The following AKAP3 variants were observed in gnomAD, a reference collection of about 807,000 sequenced individuals.
The protein encoded by AKAP3 is A-kinase anchoring protein 3, also known as A-kinase anchor protein 3.
A neutral mutation model predicts 57.2 loss-of-function variants in AKAP3; 27 were observed. That is an observed-to-expected ratio of 0.47 (90% CI 0.35 to 0.65). The LOEUF is 0.65. Among genes scored for constraint, AKAP3 ranks in the 30% least tolerant of loss-of-function variants. The pLI is 0.01. For synonymous variants in AKAP3, 334 were observed against 392.3 expected (o/e 0.85, Z 1.76); for missense variants, 959 against 1,040.0 (o/e 0.92, Z 1.07).
Position 4,638,284 on chromosome 12 carries a change from C to T in AKAP3, c.1-88G>A, listed in dbSNP as rs11063276. On this transcript the variant is annotated intron_variant, in intron 3 of 5. Transcript: ENST00000228850. ...AGAAATGTGGTAAAGGGCTAAAGCA[C>T]GGGAAAGATGAACAATGCCTTCAAT... 7,583 of 927,362 alleles carry T rather than the reference C, an allele frequency of 8.2e-3. 234 individuals carry two copies. The African/African-American group carries it at 0.085, about 10-fold the overall frequency. The allele number at this position is 927,362 out of a possible 1,614,324, so 57.4% of individuals were successfully genotyped here.
chr12:4,628,722 C>T lies in AKAP3; in HGVS notation c.180G>A (p.Arg60=), dbSNP rs775687819. 2.5e-6 allele frequency: 4 copies of T among 1,614,180 alleles called. No homozygotes were observed. Among genetic ancestry groups the T allele is most frequent in the Non-Finnish European group, 3.4e-6 (4 of 1,180,020 alleles). Reference sequence around the variant, plus strand: ...CACCAAATGATTCTCCGGGTTTGAACCGAACATCTTGGAACTCTGCTGTAC... The same window carrying T: ...CACCAAATGATTCTCCGGGTTTGAATCGAACATCTTGGAACTCTGCTGTAC... ...EKSTAEFQDV[R]FKPGESFGGE... is the part of the protein sequence containing the mutation. Residue 60 remains arginine, a synonymous_variant, in exon 5 of 6, where the codon CGG becomes CGA. Transcript: ENST00000228850.
At chr12:4,640,648 C>T (rs554342125) in intron 3 of AKAP3, among the ~76,000 whole-genome samples, 2 of 152,288 alleles carry the variant, frequency 1.3e-5, no homozygotes, top group East Asian at 1.9e-4. Flanking sequence ...TTATTCTTTG[C>T]TCCTACAAGG....
rs1194934555 is a variant in AKAP3, at chr12:4,641,910, A to G, written c.-12T>C. 6.6e-6 allele frequency: 1 copy of G among 152,210 alleles called. No homozygotes were observed. Among genetic ancestry groups the G allele is most frequent in the Non-Finnish European group, 1.5e-5 (1 of 68,036 alleles). 9.4% of individuals were successfully genotyped at this position (152,210 alleles called of 1,614,324 possible). ...ATGTGATCACTTACTCTTACAGAGG[A>G]TAGGTTCTGAGATATGAGGAAAGCT... On this transcript the variant is annotated 5_prime_UTR_variant, in exon 3 of 6. Transcript: ENST00000228850.
chr12:4,633,356 G>T (rs1039652210), intron 4 of AKAP3, among the ~76,000 whole-genome samples: 1 of 152,158 alleles, frequency 6.6e-6, no homozygotes, highest in Non-Finnish European at 1.5e-5. Context: ...GGAGTCCACA[G>T]AATTGTGTTA....
intron 5 of AKAP3, among the ~76,000 whole-genome samples, chr12:4,618,842 C>A (rs1945315039): frequency 6.6e-6 from 1 of 152,194 alleles, no homozygotes; most frequent in Non-Finnish European, 1.5e-5. Flanking sequence ...AGTTAGACTT[C>A]ATTTTGCTCT....
intron 3 of AKAP3, among the ~76,000 whole-genome samples, chr12:4,641,260 CATGGCCA>C (rs1314024457): frequency 1.3e-5 from 2 of 152,010 alleles, no homozygotes; most frequent in Non-Finnish European, 2.9e-5. Flanking sequence ...GAAGTTTTCC[CATGGCCA>C]ATGGCCAATA....
At chr12:4,630,411 T>C (rs1565554842) in intron 4 of AKAP3, among the ~76,000 whole-genome samples, 1 of 152,222 alleles carries the variant, frequency 6.6e-6, no homozygotes, top group African/African-American at 2.4e-5. Flanking sequence ...ATTCTGATTC[T>C]AAAATCTGGG....
rs769881921 is a variant in AKAP3, at chr12:4,628,323, G to A, written c.579C>T (p.Asp193=). 3.1e-6 allele frequency: 5 copies of A among 1,614,070 alleles called. No homozygotes were observed. The African/African-American group carries it at 6.7e-5, about 22-fold the overall frequency. ...VSACSRNAAP[D]KAPGSGDRVS... ...CTCTGTCTCCAGAGCCAGGAGCCTT[G>A]TCTGGGGCAGCATTCCTGGAACATG... Residue 193 remains aspartate (D), a synonymous_variant, in exon 5 of 6, where the codon GAC becomes GAT. Coordinates refer to ENST00000228850, the MANE Select transcript of AKAP3 (RefSeq NM_001278309.2).
intron 5 of AKAP3, among the ~76,000 whole-genome samples, chr12:4,622,328 C>T (rs1945356808): frequency 6.6e-6 from 1 of 152,054 alleles, no homozygotes; most frequent in Admixed American, 6.6e-5. Context: ...AGCCAAGGCA[C>T]TCCTAGGTGA....
chr12:4,624,820 G>GTGTGTGTGTGTGTGTGTA (rs976212243), intron 5 of AKAP3, among the ~76,000 whole-genome samples: 9 of 148,062 alleles, frequency 6.1e-5, no homozygotes, highest in South Asian at 2.2e-4. Flanking sequence ...GTGTGTGTGT[G>GTGTGTGTGTGTGTGTGTA]TGTGTATATA....
rs757562110 is a variant in AKAP3, at chr12:4,627,597, A to G, written c.1305T>C (p.Tyr435=). The G allele has an allele frequency of 1.2e-6, 2 of 1,614,104 alleles. No homozygotes were observed. Among genetic ancestry groups the G allele is most frequent in the South Asian group, 1.1e-5 (1 of 91,090 alleles). ...TCTCCTCCTCTGATTTGGGTTCAGA[A>G]TACATTTTTTCTCTCAATTTAGTTT... ...KSETKLREKM[Y]SEPKSEEETC... is the part of the protein sequence containing the mutation. The change falls in exon 5 of 6, where the codon TAT becomes TAC. Residue 435 remains tyrosine, a synonymous_variant. Coordinates refer to ENST00000228850, the MANE Select transcript of AKAP3 (RefSeq NM_001278309.2).
chr12:4,617,532 C>T (rs552820018), intron 5 of AKAP3, among the ~76,000 whole-genome samples: 12 of 152,188 alleles, frequency 7.9e-5, no homozygotes, highest in Non-Finnish European at 1.8e-4. Flanking sequence ...GCAGGAAGAT[C>T]ACCTGAAGTC....
chr12:4,643,892 G>A (rs779689059), intron 2 of AKAP3, among the ~76,000 whole-genome samples: 6 of 152,188 alleles, frequency 3.9e-5, no homozygotes, highest in Non-Finnish European at 8.8e-5. Context: ...TTGCAGAAGC[G>A]AAAGCATAAG....
intron 4 of AKAP3, among the ~76,000 whole-genome samples, chr12:4,633,906 A>C (rs887307): frequency 0.44 from 66,260 of 151,564 alleles, 16,338 homozygotes; most frequent in Admixed American, 0.56. Context: ...TTTGACAAAT[A>C]ATCATGAACT....
At chr12:4,631,205 TTATG>T (rs1241295654) in intron 4 of AKAP3, 2 of 549,430 alleles carry the variant, frequency 3.6e-6, no homozygotes, top group East Asian at 6.5e-5. Context: ...AAATTTGATT[TTATG>T]TCTGACCATT....
At chr12:4,644,202 T>G (rs147673684) in intron 2 of AKAP3, among the ~76,000 whole-genome samples, 271 of 152,298 alleles carry the variant, frequency 1.8e-3, no homozygotes, top group Admixed American at 3.0e-3. Context: ...AGTAAGAGCT[T>G]CTTCTTCTAG....
chr12:4,643,450 G>GA (rs539667658), intron 2 of AKAP3, among the ~76,000 whole-genome samples: 129 of 146,144 alleles, frequency 8.8e-4, no homozygotes, highest in African/African-American at 2.7e-3. Context: ...AGTTAGGGTA[G>GA]AAAAAAAAAA....
intron 4 of AKAP3, among the ~76,000 whole-genome samples, 168 bp from the exon 5 acceptor site, chr12:4,628,973 C>T (rs747639270): frequency 1.3e-5 from 2 of 152,162 alleles, no homozygotes; most frequent in Non-Finnish European, 2.9e-5. Flanking sequence ...GACATTGTTC[C>T]AAGTATTTAA....
intron 5 of AKAP3, among the ~76,000 whole-genome samples, chr12:4,624,161 G>A (rs1262389258): frequency 6.6e-6 from 1 of 152,006 alleles, no homozygotes; most frequent in African/African-American, 2.4e-5. Context: ...CATACATAAG[G>A]GAGGGGTTAA....
Sources: allele counts gnomAD v4.1 joint callset (sites outside exome capture counted in the v4.1 genomes callset), GRCh38; gene constraint gnomAD v4.1.1; transcripts MANE v1.5; gene names NCBI Gene and HGNC (gene_info 2026-07-23, HGNC 2026-07-21).